The following RBFOX1 variants were observed in gnomAD, a reference collection of about 807,000 sequenced individuals.
The protein encoded by RBFOX1 is RNA binding fox-1 homolog 1, also known as RNA binding protein fox-1 homolog 1.
A neutral mutation model predicts 57.7 loss-of-function variants in RBFOX1; 8 were observed. The observed-to-expected ratio is 0.14, with a 90% CI of 0.08 to 0.25. The LOEUF is 0.25. Among genes scored for constraint, RBFOX1 ranks in the 10% least tolerant of loss-of-function variants. RBFOX1 has a pLI of 1.00. For synonymous variants in RBFOX1, 326 were observed against 222.4 expected (o/e 1.47, Z -4.15); for missense variants, 611 against 548.5 (o/e 1.11, Z -1.14).
At chr16:5,529,571 A>ATTTT (rs56190045) in intron 2 of RBFOX1, among the ~76,000 whole-genome samples, 1 of 143,532 alleles carries the variant, frequency 7.0e-6, no homozygotes. Flanking sequence ...TCATTTATGT[A>ATTTT]TTTTTTTTTT....
chr16:6,098,723 A>G (rs2096272768), intron 1 of RBFOX1, among the ~76,000 whole-genome samples: 2 of 152,192 alleles, frequency 1.3e-5, no homozygotes, highest in Non-Finnish European at 2.9e-5. Flanking sequence ...AGATGTCCAG[A>G]CACCACATCC....
At chr16:5,607,890 A>G (rs1187268112) in intron 3 of RBFOX1, among the ~76,000 whole-genome samples, 1 of 152,146 alleles carries the variant, frequency 6.6e-6, no homozygotes, top group Non-Finnish European at 1.5e-5. Context: ...GCTGGACAGG[A>G]TTTCATTGTA....
In RBFOX1 at chr16:5,467,247, AG is replaced by A. The variant is rs1484199293; in HGVS notation, c.254del (p.Gly85ValfsTer23). 1.3e-6 allele frequency: 2 copies of A among 1,494,122 alleles called. No homozygotes were observed. The highest frequency in any genetic ancestry group is 1.8e-6 in the Non-Finnish European group (2 of 1,112,896). 92.6% of individuals were successfully genotyped at this position (1,494,122 alleles called of 1,614,324 possible). Reference sequence around the variant, plus strand: ...CTGTGCCTGCCATACAGCCTGGTTGAGGGTCAGGTAAGTGCTCATTTTGTCC... The same window carrying A: ...CTGTGCCTGCCATACAGCCTGGTTGAGGTCAGGTAAGTGCTCATTTTGTCC... On this transcript the variant is annotated frameshift_variant, in exon 2 of 3. Coordinates refer to the RBFOX1 transcript ENST00000585867. LOFTEE classifies it low-confidence loss of function (END_TRUNC).
At chr16:5,295,720 G>A (rs761437043) in intron 1 of RBFOX1, among the ~76,000 whole-genome samples, 1 of 152,258 alleles carries the variant, frequency 6.6e-6, no homozygotes, top group South Asian at 2.1e-4. Context: ...CCTATCTAAC[G>A]TAATCACTAC....
At chr16:5,545,285 A>T (rs927967794) in intron 2 of RBFOX1, among the ~76,000 whole-genome samples, 1 of 92,290 alleles carries the variant, frequency 1.1e-5, no homozygotes, top group Admixed American at 1.3e-4. Flanking sequence ...TTAGTGTTAA[A>T]TTCTAACAAA....
intron 11 of RBFOX1, among the ~76,000 whole-genome samples, chr16:7,652,468 T>A (rs2065274364): frequency 6.6e-6 from 1 of 152,198 alleles, no homozygotes; most frequent in Non-Finnish European, 1.5e-5. Flanking sequence ...AATGCAGTGG[T>A]GCCATCTCGA....
chr16:7,708,790 G>A (rs371429308), intron 14 of RBFOX1, among the ~76,000 whole-genome samples: 1 of 150,588 alleles, frequency 6.6e-6, no homozygotes, highest in East Asian at 2.0e-4. Flanking sequence ...ACAGTATTAT[G>A]GGGGGAGGCA....
chr16:7,025,730 C>G (rs558411704), intron 3 of RBFOX1, among the ~76,000 whole-genome samples: 1 of 152,122 alleles, frequency 6.6e-6, no homozygotes, highest in South Asian at 2.1e-4. Context: ...GACATCCTAG[C>G]TGAGCAGGAG....
chr16:6,847,816 T>A (rs1471947903), intron 3 of RBFOX1, among the ~76,000 whole-genome samples: 1 of 151,966 alleles, frequency 6.6e-6, no homozygotes, highest in Non-Finnish European at 1.5e-5. Context: ...ATGAAAAAAA[T>A]TATTCCCACC....
At chr16:6,349,540 T>TATG in intron 2 of RBFOX1, among the ~76,000 whole-genome samples, 1 of 152,370 alleles carries the variant, frequency 6.6e-6, no homozygotes, top group East Asian at 1.9e-4. Context: ...CTTCTTGACC[T>TATG]ATGTCATTAG....
intron 2 of RBFOX1, among the ~76,000 whole-genome samples, chr16:6,486,081 G>GTTTTT (rs1435988628): frequency 4.6e-5 from 4 of 86,876 alleles, no homozygotes; most frequent in Non-Finnish European, 8.6e-5. Flanking sequence ...TCAGTAAAAG[G>GTTTTT]CTTTTTTTTT....
intron 4 of RBFOX1, among the ~76,000 whole-genome samples, chr16:7,483,039 A>G (rs1201192889): frequency 1.3e-5 from 2 of 152,114 alleles, no homozygotes; most frequent in Admixed American, 1.3e-4. Flanking sequence ...AGCCTGGAAC[A>G]CCGTGGGAGG....
At chr16:6,158,371 G>T (rs2096853576) in intron 1 of RBFOX1, among the ~76,000 whole-genome samples, 1 of 152,172 alleles carries the variant, frequency 6.6e-6, no homozygotes, top group Admixed American at 6.5e-5. Flanking sequence ...GGTTCAGCTT[G>T]TTAGTCAATA....
intron 14 of RBFOX1, among the ~76,000 whole-genome samples, chr16:7,695,649 C>CAA (rs34363093): frequency 0.24 from 23,924 of 98,082 alleles, 2,934 homozygotes; most frequent in Non-Finnish European, 0.28. Context: ...AAGCCTCCAT[C>CAA]AAAAAAAAAA....
intron 2 of RBFOX1, among the ~76,000 whole-genome samples, chr16:6,334,908 T>A (rs966148870): frequency 2.0e-5 from 3 of 152,308 alleles, no homozygotes; most frequent in African/African-American, 7.2e-5. Flanking sequence ...AGACTGGATC[T>A]ACTTGGGTTG....
At chr16:6,256,363 G>T (rs73531447) in intron 1 of RBFOX1, among the ~76,000 whole-genome samples, 1 of 147,766 alleles carries the variant, frequency 6.8e-6, no homozygotes. Context: ...AAGGGGAAGA[G>T]GTTGGGTAAG....
intron 3 of RBFOX1, among the ~76,000 whole-genome samples, chr16:6,755,220 A>C (rs185731528): frequency 1.3e-5 from 2 of 152,234 alleles, no homozygotes; most frequent in Non-Finnish European, 2.9e-5. Flanking sequence ...GTGTATACCC[A>C]GTAATGGGAT....
chr16:5,824,703 G>C (rs1003749789), intron 3 of RBFOX1, among the ~76,000 whole-genome samples: 2 of 152,228 alleles, frequency 1.3e-5, no homozygotes, highest in African/African-American at 2.4e-5. Flanking sequence ...GGCATCTGAG[G>C]CCTCTCTCTT....
At chr16:5,354,877 C>G (rs1424746661) in intron 1 of RBFOX1, among the ~76,000 whole-genome samples, 2 of 152,202 alleles carry the variant, frequency 1.3e-5, no homozygotes, top group Admixed American at 1.3e-4. Context: ...AGGGTGTTGG[C>G]TTGGTTCCAG....
Sources: gnomAD v4.1 joint callset for allele counts (sites outside exome capture counted in the v4.1 genomes callset) on GRCh38, gnomAD v4.1.1 for gene constraint, MANE v1.5 for transcripts, NCBI Gene and HGNC (gene_info 2026-07-23, HGNC 2026-07-21) for gene names.